Variants in TIMP4 observed in about 807,000 individuals in gnomAD.
The protein encoded by TIMP4 is TIMP metallopeptidase inhibitor 4, also known as metalloproteinase inhibitor 4.
TIMP4 carries 28 observed loss-of-function variants against 27.3 expected under a neutral mutation model. The ratio of observed to expected loss-of-function variants is 1.03; its 90% CI spans 0.76 to 1.41. The LOEUF is 1.41. TIMP4 is among the 40% of genes most tolerant of loss of function. The pLI is 0.00. For missense variants in TIMP4, 307 were observed against 285.5 expected, an observed-to-expected ratio of 1.08 and a Z score of -0.54; for synonymous variants, 138 against 115.5, an observed-to-expected ratio of 1.20 and a Z score of -1.25.
rs199536325 is a variant in TIMP4, at chr3:12,158,719, A to T, written c.122T>A (p.Ile41Asn). The change falls in exon 1 of 5, where the codon ATC (isoleucine) becomes AAC (asparagine). Residue 41 changes from isoleucine to asparagine, a missense_variant. Coordinates refer to ENST00000287814, the MANE Select transcript of TIMP4 (RefSeq NM_003256.4). ...SCAPAHPQQHICHSALVIRAK... is the reference protein window; with the variant it reads ...SCAPAHPQQHNCHSALVIRAK... ...GGACTCACCAAGTGCCGAGTGGCAG[A>T]TGTGCTGCTGAGGGTGCGCCGGGGC... 5 of 1,610,302 alleles carry T rather than the reference A, an allele frequency of 3.1e-6. No individual in the cohort carries two copies. Among genetic ancestry groups the T allele is most frequent in the Non-Finnish European group, 4.2e-6 (5 of 1,179,746 alleles).
At chr3:12,155,849 G>A (rs1397544886) in intron 3 of TIMP4, among the ~76,000 whole-genome samples, 5 of 152,188 alleles carry the variant, frequency 3.3e-5, no homozygotes, top group Admixed American at 2.6e-4. Flanking sequence ...CGATAATAGA[G>A]TTTGAAAGGG....
At chr3:12,157,317 C>G in intron 2 of TIMP4, 68 bp downstream of exon 2, 3 of 1,490,556 alleles carry the variant, frequency 2.0e-6, no homozygotes, top group Non-Finnish European at 2.8e-6. Flanking sequence ...TACCAGCCCT[C>G]CCAGAACACA....
At position 12,153,509 on chromosome 3, in the gene TIMP4, T is replaced by G; in HGVS notation, c.*6A>C. 1 of 1,612,874 alleles carries G rather than the reference T, an allele frequency of 6.2e-7. No individual in the cohort carries two copies. Among genetic ancestry groups the G allele is most frequent in the Non-Finnish European group, 8.5e-7 (1 of 1,179,984 alleles). ...CTTGAAGGGATGTGATGGTCACTGG[T>G]CCCTACTAGGGCTGAACGATGTCAA... is the stretch of plus-strand genomic sequence containing the variant. On this transcript the variant is annotated 3_prime_UTR_variant, in exon 5 of 5. Transcript: ENST00000287814.
chr3:12,154,291 C>G lies in TIMP4; in HGVS notation c.477+36G>C, dbSNP rs1358017437. 6 of 1,613,818 alleles carry G rather than the reference C, an allele frequency of 3.7e-6. No individual in the cohort carries two copies. The East Asian group carries it at 1.3e-4, about 36-fold the overall frequency. ...GAATGAAGGCTCAGAACCCTTCCCC[C>G]ATCCCTAAAGACTTTGGAAATGGAC... On this transcript the variant is annotated intron_variant, in intron 4 of 4. Transcript: ENST00000287814.
rs939174807 is a variant in TIMP4, at chr3:12,158,774, G to A, written c.67C>T (p.Pro23Ser). The A allele has an allele frequency of 8.7e-6, 14 of 1,605,168 alleles. No homozygotes were observed. Among genetic ancestry groups the A allele is most frequent in the East Asian group, 4.5e-5 (2 of 44,790 alleles). ...CTGCATGCCTCACCCAGCCCCGGGG[G>A]CCGCAGCAACGCCAGCAGCCGCAGC... ...LLLRLLALLR[P>S]PGLGEACSCA... The change falls in exon 1 of 5, where the codon CCC (proline) becomes TCC (serine). Residue 23 changes from proline (P) to serine (S), a missense_variant. Physicochemically the swap from Pro to Ser is moderately conservative, Grantham distance 74. Coordinates refer to ENST00000287814, the MANE Select transcript of TIMP4 (RefSeq NM_003256.4).
At chr3:12,154,290 C>A in intron 4 of TIMP4, 37 bp downstream of exon 4, 1 of 1,613,762 alleles carries the variant, frequency 6.2e-7, no homozygotes, top group South Asian at 1.1e-5. Flanking sequence ...AACCCTTCCC[C>A]CATCCCTAAA....
Position 12,154,451 on chromosome 3 carries a change from C to T in TIMP4, c.353G>A (p.Gly118Asp), listed in dbSNP as rs765717791. The T allele has an allele frequency of 3.7e-6, 6 of 1,614,004 alleles. No homozygotes were observed. Among genetic ancestry groups the T allele is most frequent in the South Asian group, 2.2e-5 (2 of 91,052 alleles). ...GACTTTTCCATCACTGAGGACCTGA[C>T]CTTCAAGGGGAGATGGAGGAGAGTC... ...ANSQKQYLLT[G>D]QVLSDGKVFI... is the part of the protein sequence containing the mutation. Residue 118 changes from glycine to aspartate, a missense_variant and splice_region_variant, in exon 4 of 5, where the codon GGT (glycine) becomes GAT (aspartate). Transcript: ENST00000287814.
At chr3:12,157,818 T>G (rs1243448508) in intron 1 of TIMP4, among the ~76,000 whole-genome samples, 3 of 152,130 alleles carry the variant, frequency 2.0e-5, no homozygotes, top group Non-Finnish European at 4.4e-5. Flanking sequence ...GAGGAGCCCC[T>G]TCAGGGCAGT....
chr3:12,156,799 G>A lies in TIMP4; in HGVS notation c.352+21C>T, dbSNP rs745849653. On this transcript the variant is annotated intron_variant, in intron 3 of 4. Transcript: ENST00000287814. ...GGCAGAATCTATTATATTAAGGCCA[G>A]TTGTTGGTCTTTTAACTTACCAGTC... The A allele has an allele frequency of 8.2e-6, 13 of 1,587,962 alleles. No homozygotes were observed. In the Admixed American group the frequency reaches 1.5e-4, roughly 18 times the overall value.
At position 12,155,643 on chromosome 3, in the gene TIMP4, G is replaced by A. The variant is rs191048684; in HGVS notation, c.352+1177C>T. On this transcript the variant is annotated intron_variant, in intron 3 of 4. Coordinates refer to ENST00000287814, the MANE Select transcript of TIMP4 (RefSeq NM_003256.4). ...CAAAGAGCTTTCAACACCAGGCAAA[G>A]GAGCTTGTGCCTTCTCCTGTAGGAC... is the stretch of plus-strand genomic sequence containing the variant. Among the ~76,000 whole-genome samples, 31 of 152,328 alleles carry A rather than the reference G, an allele frequency of 2.0e-4. No individual in the cohort carries two copies. The East Asian group carries it at 3.1e-3, about 15-fold the overall frequency.
In TIMP4 at chr3:12,157,428, G is replaced by A; in HGVS notation, c.194C>T (p.Ala65Val). Residue 65 changes from alanine to valine, a missense_variant, in exon 2 of 5, where the codon GCT becomes GTT. Transcript: ENST00000287814. ...EKVVPASADP[A>V]DTEKMLRYEI... ...ATACCGGAGCATTTTTTCAGTGTCA[G>A]CAGGGTCTGCACTGGCCGGAACTAC... is the stretch of plus-strand genomic sequence containing the variant. 1 of 1,614,148 alleles carries A rather than the reference G, an allele frequency of 6.2e-7. No homozygotes were observed. The highest frequency in any genetic ancestry group is 8.5e-7 in the Non-Finnish European group (1 of 1,180,028).
At chr3:12,158,338 G>A (rs973006632) in intron 1 of TIMP4, among the ~76,000 whole-genome samples, 1 of 152,194 alleles carries the variant, frequency 6.6e-6, no homozygotes, top group Admixed American at 6.5e-5. Flanking sequence ...GACAGACACG[G>A]GTAGTTACAA....
intron 1 of TIMP4, among the ~76,000 whole-genome samples, chr3:12,158,245 G>A (rs2125232149): frequency 6.6e-6 from 1 of 152,302 alleles, no homozygotes; most frequent in East Asian, 1.9e-4. Flanking sequence ...GTGTGAGGGA[G>A]GGCATTCCAG....
chr3:12,157,631 G>A, intron 1 of TIMP4, 149 bp from the exon 2 acceptor site: 3 of 695,732 alleles, frequency 4.3e-6, no homozygotes, highest in Admixed American at 2.4e-5. Context: ...GTGTGAGAAG[G>A]GGGACCTGGA....
rs534498761 is a variant in TIMP4, at chr3:12,154,382, G to A, written c.422C>T (p.Ser141Phe). 1.2e-6 allele frequency: 2 copies of A among 1,614,194 alleles called. No homozygotes were observed. Among genetic ancestry groups the A allele is most frequent in the African/African-American group, 1.3e-5 (1 of 75,058 alleles). The stretch of plus-strand genomic sequence containing the variant: ...ATTCAGACTTTCCCTCTGCACCAAG[G>A]ACAGGTCCTCCCAGGGCTCGATGTA... ...CNYIEPWEDL[S>F]LVQRESLNHH... Residue 141 changes from serine (S) to phenylalanine (F), a missense_variant, in exon 4 of 5, where the codon TCC becomes TTC. Coordinates refer to ENST00000287814, the MANE Select transcript of TIMP4 (RefSeq NM_003256.4).
chr3:12,153,226 G>A lies in TIMP4; in HGVS notation c.*289C>T. 1 of 495,020 alleles carries A rather than the reference G, an allele frequency of 2.0e-6. No individual in the cohort carries two copies. The allele number at this position is 495,020 out of a possible 1,614,324, so 30.7% of individuals were successfully genotyped here. A position where few individuals can be genotyped will look rare whatever the true frequency, so the allele number is the denominator to read the frequency against. ...AAAGGAAAACACATATTCCTGGGGA[G>A]GAAAGGGAATAGTCCTGGCTTTAGA... On this transcript the variant is annotated 3_prime_UTR_variant, in exon 5 of 5. Transcript: ENST00000287814.
At chr3:12,156,181 C>T (rs780045169) in intron 3 of TIMP4, among the ~76,000 whole-genome samples, 2 of 152,280 alleles carry the variant, frequency 1.3e-5, no homozygotes, top group East Asian at 3.9e-4. Context: ...TTTTCTTTCC[C>T]TTGCTTTCTT....
At chr3:12,153,817 C>T in intron 4 of TIMP4, 105 bp from the exon 5 acceptor site, 3 of 1,248,642 alleles carry the variant, frequency 2.4e-6, no homozygotes, top group Middle Eastern at 2.0e-4. Flanking sequence ...CAAATGCCCC[C>T]TATCTTATCA....
chr3:12,155,524 C>T (rs1002275944), intron 3 of TIMP4, among the ~76,000 whole-genome samples: 1 of 152,180 alleles, frequency 6.6e-6, no homozygotes, highest in African/African-American at 2.4e-5. Flanking sequence ...AGCATACCTT[C>T]TGCAACCACA....
Sources: gnomAD v4.1 joint callset for allele counts (sites outside exome capture counted in the v4.1 genomes callset) on GRCh38, gnomAD v4.1.1 for gene constraint, MANE v1.5 for transcripts, NCBI Gene and HGNC (gene_info 2026-07-23, HGNC 2026-07-21) for gene names.